The following PDE1C variants were observed in gnomAD, a reference collection of about 807,000 sequenced individuals.
PDE1C encodes the protein dual specificity calcium/calmodulin-dependent 3',5'-cyclic nucleotide phosphodiesterase 1C.
Under a neutral mutation model 93.1 loss-of-function variants are expected in PDE1C, and 62 were observed. The observed-to-expected ratio is 0.67, with a 90% CI of 0.54 to 0.82. PDE1C has a LOEUF of 0.82. Among genes scored for constraint, PDE1C ranks in the 40% least tolerant of loss-of-function variants. The pLI is 0.00. For missense variants in PDE1C, 742 were observed against 884.6 expected (o/e 0.84, Z 2.04); for synonymous variants, 325 against 310.1 (o/e 1.05, Z -0.50).
chr7:32,317,590 T>A (rs1451165887), intron 1 of PDE1C, among the ~76,000 whole-genome samples: 1 of 152,078 alleles, frequency 6.6e-6, no homozygotes, highest in Non-Finnish European at 1.5e-5. Context: ...GTGATAGTTT[T>A]TTTTTTTACA....
At chr7:32,281,617 A>T (rs1230584474) in intron 1 of PDE1C, among the ~76,000 whole-genome samples, 1 of 152,218 alleles carries the variant, frequency 6.6e-6, no homozygotes, top group Non-Finnish European at 1.5e-5. Context: ...ATACCCCAAC[A>T]GAAAAACTAG....
chr7:32,155,398 A>C (rs751385373), intron 3 of PDE1C, among the ~76,000 whole-genome samples: 15 of 152,336 alleles, frequency 9.8e-5, no homozygotes, highest in Middle Eastern at 6.8e-3. Flanking sequence ...TTAACACACA[A>C]TCTCTAGTCA....
chr7:32,319,193 G>T (rs1241329283), intron 1 of PDE1C, among the ~76,000 whole-genome samples: 1 of 152,246 alleles, frequency 6.6e-6, no homozygotes, highest in African/African-American at 2.4e-5. Context: ...GGTGCAGGGA[G>T]ATGACCAGAG....
intron 2 of PDE1C, among the ~76,000 whole-genome samples, chr7:31,893,097 A>G: frequency 6.6e-6 from 1 of 152,228 alleles, no homozygotes; most frequent in East Asian, 1.9e-4. Flanking sequence ...TTCCATAAAA[A>G]AATGAAAGGA....
chr7:31,782,635 C>G (rs966402878), intron 16 of PDE1C, among the ~76,000 whole-genome samples: 3 of 152,106 alleles, frequency 2.0e-5, no homozygotes, highest in Non-Finnish European at 2.9e-5. Context: ...TTGAAGGCAT[C>G]AGGCTGGATG....
At chr7:32,340,270 A>C (rs1038957956) in intron 1 of PDE1C, among the ~76,000 whole-genome samples, 3 of 152,152 alleles carry the variant, frequency 2.0e-5, no homozygotes, top group African/African-American at 7.2e-5. Flanking sequence ...AGGTCAAGGA[A>C]ATAAAGAGTT....
intron 1 of PDE1C, among the ~76,000 whole-genome samples, chr7:32,364,039 T>G (rs1235640396): frequency 6.6e-6 from 1 of 152,162 alleles, no homozygotes; most frequent in African/African-American, 2.4e-5. Context: ...AGCTAATAAG[T>G]GACATCTGGG....
intron 9 of PDE1C, 62 bp from the exon 10 acceptor site, chr7:31,838,033 GT>G (rs908112993): frequency 3.2e-3 from 3,053 of 941,910 alleles, no homozygotes; most frequent in South Asian, 4.1e-3. Flanking sequence ...AAAAATCAGT[GT>G]TTTTTTTTTG....
Position 31,837,279 on chromosome 7 carries a change from T to C in PDE1C, c.1104A>G (p.Leu368=). 1.2e-6 allele frequency: 2 copies of C among 1,612,776 alleles called. No individual in the cohort carries two copies. Among genetic ancestry groups the C allele is most frequent in the Non-Finnish European group, 1.7e-6 (2 of 1,179,278 alleles). Residue 368 remains leucine, a synonymous_variant, in exon 11 of 18, where the codon TTA becomes TTG. Coordinates refer to ENST00000396191, the MANE Select transcript of PDE1C (RefSeq NM_001191057.4). ...TATCTGCTGTATGCAGCATAAGGGA[T>C]AAGGCTTTTGGCTTTTCAATGCTGT... ...QPEAIEKPKA[L]SLMLHTADIS...
At chr7:31,985,086 T>C (rs2129065284) in intron 2 of PDE1C, among the ~76,000 whole-genome samples, 1 of 152,310 alleles carries the variant, frequency 6.6e-6, no homozygotes, top group Admixed American at 6.5e-5. Flanking sequence ...GGGAATCTGC[T>C]ATCCAGACAC....
At chr7:32,331,349 A>C (rs1161600306) in intron 1 of PDE1C, among the ~76,000 whole-genome samples, 2 of 152,216 alleles carry the variant, frequency 1.3e-5, no homozygotes, top group African/African-American at 2.4e-5. Context: ...GCGAAGCAAG[A>C]CTGACCCCTG....
chr7:32,394,097 G>A (rs1466295085), intron 1 of PDE1C, among the ~76,000 whole-genome samples: 3 of 152,154 alleles, frequency 2.0e-5, no homozygotes, highest in Admixed American at 2.0e-4. Context: ...TTGAGAAATA[G>A]GCACACATAA....
chr7:32,318,691 G>A (rs1783222864), intron 1 of PDE1C, among the ~76,000 whole-genome samples: 1 of 152,226 alleles, frequency 6.6e-6, no homozygotes, highest in Non-Finnish European at 1.5e-5. Context: ...AGGGCTGCGC[G>A]CGTGAGCAGG....
At chr7:31,859,420 T>G (rs912797095) in intron 7 of PDE1C, among the ~76,000 whole-genome samples, 3 of 145,876 alleles carry the variant, frequency 2.1e-5, no homozygotes, top group Non-Finnish European at 4.5e-5. Context: ...CTATATAATA[T>G]AGAATATATT....
At chr7:32,075,537 G>A (rs1220037083), upstream of PDE1C, among the ~76,000 whole-genome samples, 1 of 152,068 alleles carries the variant, frequency 6.6e-6, no homozygotes, top group African/African-American at 2.4e-5. Flanking sequence ...GTCTTTTTCT[G>A]TTTGATTTTA....
At chr7:31,651,826 G>T in the PDE1C span, 68 of 600,372 alleles carry the variant, frequency 1.1e-4, no homozygotes, top group Middle Eastern at 5.1e-4. Context: ...AAATAAAGAT[G>T]ACATTCTCTT....
At chr7:31,755,668 A>C (rs1794417003) in intron 17 of PDE1C, among the ~76,000 whole-genome samples, 1 of 152,216 alleles carries the variant, frequency 6.6e-6, no homozygotes, top group Non-Finnish European at 1.5e-5. Context: ...ATTGAATCAA[A>C]TTGAGCAACA....
chr7:31,950,488 C>A lies in PDE1C; in HGVS notation c.129-69628G>T, dbSNP rs553736164. On this transcript the variant is annotated intron_variant, in intron 2 of 17. Transcript: ENST00000396191. ...CAAAAGTATGCAGAGTAGGACAGAA[C>A]TAAAATAGTTACTGCCACAACGCTA... Among the ~76,000 whole-genome samples the A allele has an allele frequency of 3.3e-5, 5 of 152,244 alleles. No homozygotes were observed. The South Asian group carries it at 1.0e-3, about 32-fold the overall frequency.
chr7:31,888,499 G>T (rs1798245007), intron 2 of PDE1C, among the ~76,000 whole-genome samples: 1 of 151,828 alleles, frequency 6.6e-6, no homozygotes, highest in South Asian at 2.1e-4. Flanking sequence ...AAAGAGAAAT[G>T]ATATAAATAA....
Sources: allele counts gnomAD v4.1 joint callset (sites outside exome capture counted in the v4.1 genomes callset), GRCh38; gene constraint gnomAD v4.1.1; transcripts MANE v1.5; gene names NCBI Gene and HGNC (gene_info 2026-07-23, HGNC 2026-07-21).